The following ATP8A2 variants were observed in gnomAD, a reference collection of about 807,000 sequenced individuals.
ATP8A2 encodes the protein phospholipid-transporting ATPase IB.
A neutral mutation model predicts 165.6 loss-of-function variants in ATP8A2; 100 were observed. The observed-to-expected ratio is 0.60, with a 90% confidence interval of 0.51 to 0.71. The LOEUF is 0.71. Among genes scored for constraint, ATP8A2 ranks in the 30% least tolerant of loss-of-function variants. The pLI is 0.00. For synonymous variants in ATP8A2, 543 were observed against 548.8 expected (o/e 0.99, Z 0.15); for missense variants, 1,227 against 1,479.5 (o/e 0.83, Z 2.80).
At chr13:25,631,941 T>A (rs751868725) in intron 24 of ATP8A2, among the ~76,000 whole-genome samples, 7 of 152,116 alleles carry the variant, frequency 4.6e-5, no homozygotes, top group Admixed American at 2.0e-4. Context: ...TTAACTCAGT[T>A]GGAGTTGGAT....
At chr13:25,984,287 T>C (rs1956229728) in intron 35 of ATP8A2, among the ~76,000 whole-genome samples, 3 of 151,000 alleles carry the variant, frequency 2.0e-5, no homozygotes, top group Admixed American at 2.0e-4. Flanking sequence ...TGATGGGAGC[T>C]GAGAGTCCAG....
At chr13:25,969,213 C>T (rs1035943787) in intron 35 of ATP8A2, among the ~76,000 whole-genome samples, 5 of 152,152 alleles carry the variant, frequency 3.3e-5, no homozygotes, top group African/African-American at 7.2e-5. Context: ...CAGACACTGC[C>T]GCTTGCTCTC....
At chr13:25,694,919 G>A (rs999582957) in intron 24 of ATP8A2, among the ~76,000 whole-genome samples, 1 of 152,090 alleles carries the variant, frequency 6.6e-6, no homozygotes, top group Non-Finnish European at 1.5e-5. Flanking sequence ...CTGGCCTCAG[G>A]TGATCCTCCC....
At chr13:25,523,686 T>C (rs1360762275) in intron 2 of ATP8A2, among the ~76,000 whole-genome samples, 1 of 152,134 alleles carries the variant, frequency 6.6e-6, no homozygotes. Context: ...TGATTTTTTT[T>C]GTGTGTGTAT....
At chr13:25,933,377 G>A (rs1954813839) in intron 33 of ATP8A2, among the ~76,000 whole-genome samples, 1 of 152,188 alleles carries the variant, frequency 6.6e-6, no homozygotes, top group African/African-American at 2.4e-5. Flanking sequence ...CTGTCTGCTT[G>A]GCCCCAGACA....
chr13:25,952,044 G>A (rs1188780519), intron 33 of ATP8A2, among the ~76,000 whole-genome samples: 2 of 152,086 alleles, frequency 1.3e-5, no homozygotes, highest in Non-Finnish European at 2.9e-5. Context: ...TCGGGTGTGT[G>A]GGTGGTTTTT....
At chr13:25,547,983 G>A (rs2038704159) in intron 10 of ATP8A2, among the ~76,000 whole-genome samples, 1 of 152,102 alleles carries the variant, frequency 6.6e-6, no homozygotes. Flanking sequence ...TAGCACATTG[G>A]GAGGCGGAGG....
At chr13:25,484,807 G>A (rs1396368029) in intron 2 of ATP8A2, among the ~76,000 whole-genome samples, 1 of 152,110 alleles carries the variant, frequency 6.6e-6, no homozygotes, top group Admixed American at 6.5e-5. Flanking sequence ...GTGAGCGACC[G>A]CAACCGGCAG....
chr13:26,016,864 T>C (rs994968506), intron 36 of ATP8A2, among the ~76,000 whole-genome samples: 2 of 152,138 alleles, frequency 1.3e-5, no homozygotes, highest in Non-Finnish European at 1.5e-5. Context: ...TAGAGAGGAC[T>C]GGAGGTTGAG....
intron 33 of ATP8A2, among the ~76,000 whole-genome samples, chr13:25,959,570 A>C (rs551146524): frequency 6.6e-6 from 1 of 152,336 alleles, no homozygotes; most frequent in South Asian, 2.1e-4. Context: ...TGACACCTTC[A>C]AGTTTAATTT....
intron 2 of ATP8A2, among the ~76,000 whole-genome samples, chr13:25,475,639 T>G (rs929043515): frequency 1.3e-5 from 2 of 152,214 alleles, no homozygotes; most frequent in African/African-American, 4.8e-5. Context: ...TCACCAACAG[T>G]GTGTAAGTGT....
At chr13:25,978,388 T>A (rs1956105388) in intron 35 of ATP8A2, among the ~76,000 whole-genome samples, 1 of 152,210 alleles carries the variant, frequency 6.6e-6, no homozygotes, top group Non-Finnish European at 1.5e-5. Context: ...GACTGATCTC[T>A]GAGAGTAAGA....
chr13:25,758,988 AAGAG>A (rs890421365), intron 25 of ATP8A2, among the ~76,000 whole-genome samples: 13 of 152,084 alleles, frequency 8.5e-5, no homozygotes, highest in South Asian at 2.1e-4. Context: ...AAGAGAGAGA[AAGAG>A]AGAGAGAAAG....
chr13:25,540,924 C>T (rs529457425), intron 8 of ATP8A2, among the ~76,000 whole-genome samples: 3 of 150,464 alleles, frequency 2.0e-5, no homozygotes, highest in African/African-American at 4.9e-5. Context: ...TGCAGTGATG[C>T]GACCTCGGCT....
intron 1 of ATP8A2, among the ~76,000 whole-genome samples, chr13:25,459,742 T>G (rs146117183): frequency 2.0e-5 from 3 of 152,252 alleles, no homozygotes; most frequent in Middle Eastern, 3.4e-3. Flanking sequence ...GTACCAGGTC[T>G]CTGGAGAAGG....
At chr13:25,833,712 A>G (rs1190282839) in intron 28 of ATP8A2, among the ~76,000 whole-genome samples, 2 of 152,212 alleles carry the variant, frequency 1.3e-5, no homozygotes, top group African/African-American at 4.8e-5. Context: ...TTAAATGTGG[A>G]AAATAAAATA....
chr13:25,777,203 C>G (rs2138335201), intron 27 of ATP8A2, among the ~76,000 whole-genome samples: 1 of 152,262 alleles, frequency 6.6e-6, no homozygotes, highest in South Asian at 2.1e-4. Context: ...GCCCAATTTT[C>G]TATTTAGTAT....
chr13:25,410,919 T>G (rs2033947017), intron 1 of ATP8A2, among the ~76,000 whole-genome samples: 1 of 152,202 alleles, frequency 6.6e-6, no homozygotes, highest in African/African-American at 2.4e-5. Flanking sequence ...CATTTTCCTT[T>G]GTTCTTGCTA....
At chr13:25,516,233 G>C (rs1402258049) in intron 2 of ATP8A2, among the ~76,000 whole-genome samples, 2 of 152,090 alleles carry the variant, frequency 1.3e-5, no homozygotes, top group Non-Finnish European at 2.9e-5. Flanking sequence ...CTGTCTCCTT[G>C]GGAAGTGTCT....
Sources: allele counts gnomAD v4.1 joint callset (sites outside exome capture counted in the v4.1 genomes callset), GRCh38; gene constraint gnomAD v4.1.1; transcripts MANE v1.5; gene names NCBI Gene and HGNC (gene_info 2026-07-23, HGNC 2026-07-21).